MTARC2: variants seen among roughly 807,000 people sequenced by gnomAD.
MTARC2 encodes the protein MOCO sulphurase C-terminal domain containing 2.
In MTARC2, 27 loss-of-function variants were observed where a neutral mutation model predicts 35.6. The observed-to-expected ratio is 0.76, with a 90% CI of 0.56 to 1.04. The LOEUF is 1.04. MTARC2 is among the 50% of genes least tolerant of loss of function. The probability of loss-of-function intolerance (pLI) is 0.00; values close to 1 mark genes in which losing one functional copy is unlikely to be tolerated. For synonymous variants in MTARC2, 158 were observed against 167.1 expected (o/e 0.95, Z 0.42); for missense variants, 412 against 432.5 (o/e 0.95, Z 0.42).
intron 1 of MTARC2, among the ~76,000 whole-genome samples, chr1:220,749,646 G>A (rs1456356405): frequency 6.6e-6 from 1 of 152,022 alleles, no homozygotes; most frequent in Non-Finnish European, 1.5e-5. Flanking sequence ...GACCAGGCTG[G>A]TCTCAAACTC....
intron 4 of MTARC2, among the ~76,000 whole-genome samples, chr1:220,770,054 C>G (rs1238046210): frequency 2.0e-5 from 3 of 151,844 alleles, no homozygotes; most frequent in Admixed American, 2.0e-4. Context: ...TTGCAGTGAG[C>G]CGAGATCGCG....
At position 220,781,869 on chromosome 1, in the gene MTARC2, A is replaced by G. The variant is rs1287853600; in HGVS notation, c.976A>G (p.Arg326Gly). 6.2e-7 allele frequency: 1 copy of G among 1,614,194 alleles called. No individual in the cohort carries two copies. The highest frequency in any genetic ancestry group is 8.5e-7 in the Non-Finnish European group (1 of 1,180,030). The change falls in exon 7 of 8, where the codon AGA (arginine) becomes GGA (glycine). Residue 326 changes from arginine (R) to glycine (G), a missense_variant. Physicochemically the swap from Arg to Gly is moderately radical, Grantham distance 125. Coordinates refer to ENST00000366913, the MANE Select transcript of MTARC2 (RefSeq NM_017898.5). ...TTCAGTGGAAAAAATTGGAAGCCTG[A>G]GAGTTGGTGACCCTGTGTATCGGAT... ...YYSVEKIGSL[R>G]VGDPVYRMV
intron 4 of MTARC2, among the ~76,000 whole-genome samples, chr1:220,766,860 CA>C (rs59711900): frequency 0.3 from 27,689 of 91,826 alleles, 3,144 homozygotes; most frequent in East Asian, 0.5. Context: ...AATAAAAGTA[CA>C]AAAAAAAAAA....
rs761683898 is a variant in MTARC2 at position 220,761,753 on chromosome 1, A to C, written c.542A>C (p.Gln181Pro). 4 of 1,613,962 alleles carry C rather than the reference A, an allele frequency of 2.5e-6. No homozygotes were observed. The highest frequency in any genetic ancestry group is 3.4e-6 in the Non-Finnish European group (4 of 1,180,002). The change falls in exon 3 of 8, where the codon CAA becomes CCA. Residue 181 changes from glutamine to proline, a missense_variant. Coordinates refer to ENST00000366913, the MANE Select transcript of MTARC2 (RefSeq NM_017898.5). ...AAAACTGAAGCGTATAGATTGGTTC[A>C]ATTTGAGACAAACATGAAGGGAAGA... ...FLKTEAYRLV[Q>P]FETNMKGRTS...
intron 4 of MTARC2, among the ~76,000 whole-genome samples, chr1:220,766,670 C>G (rs1671586427): frequency 6.6e-6 from 1 of 152,102 alleles, no homozygotes; most frequent in South Asian, 2.1e-4. Context: ...AAAAAAGACA[C>G]TCTTGTCCCT....
intron 4 of MTARC2, among the ~76,000 whole-genome samples, chr1:220,776,664 C>T (rs112782455): frequency 1.6e-3 from 242 of 152,210 alleles, no homozygotes; most frequent in African/African-American, 5.2e-3. Context: ...CTCTTTTAAA[C>T]GCGGCCTTGC....
At chr1:220,782,211 A>T (rs1672092799) in intron 7 of MTARC2, among the ~76,000 whole-genome samples, 1 of 152,218 alleles carries the variant, frequency 6.6e-6, no homozygotes, top group African/African-American at 2.4e-5. Context: ...TCATTACAGA[A>T]TATCATTAAG....
chr1:220,749,486 A>AGTG (rs1246850738), intron 1 of MTARC2, among the ~76,000 whole-genome samples: 2 of 144,956 alleles, frequency 1.4e-5, no homozygotes, highest in Non-Finnish European at 3.0e-5. Flanking sequence ...GCTGGAGTGC[A>AGTG]GTGGCACTAT....
rs780166713 is a variant in MTARC2, at chr1:220,748,742, G to T, written c.211G>T (p.Val71Leu). The T allele has an allele frequency of 6.2e-7, 1 of 1,600,568 alleles. No individual in the cohort carries two copies. The highest frequency in any genetic ancestry group is 1.1e-5 in the South Asian group (1 of 88,984). ...WIYPVKSCKG[V>L]PVSEAECTAM... is the part of the protein sequence containing the mutation. ...CTACCCGGTGAAATCCTGCAAAGGGGTGCCGGTGAGCGAGGCTGAGTGCAC... is the reference window on the plus strand; with the variant it reads ...CTACCCGGTGAAATCCTGCAAAGGGTTGCCGGTGAGCGAGGCTGAGTGCAC... Residue 71 changes from valine to leucine, a missense_variant, in exon 1 of 8, where the codon GTG becomes TTG. Val to Leu is a conservative substitution (Grantham distance 32). Coordinates refer to ENST00000366913, the MANE Select transcript of MTARC2 (RefSeq NM_017898.5).
chr1:220,748,364 T>C lies in MTARC2; in HGVS notation c.-168T>C. 1.5e-6 allele frequency: 1 copy of C among 649,282 alleles called. No homozygotes were observed. The highest frequency in any genetic ancestry group is 2.2e-6 in the Non-Finnish European group (1 of 449,818). The allele number at this position is 649,282 out of a possible 1,614,324, so 40.2% of individuals were successfully genotyped here. ...GGTCACCGCATTAAGGCATTCCCGC[T>C]CTCCGCGGAACTGCTCTGCCGTCTC... On this transcript the variant is annotated 5_prime_UTR_variant, in exon 1 of 8. Transcript: ENST00000366913.
At position 220,761,777 on chromosome 1, in the gene MTARC2, G is replaced by A; in HGVS notation, c.566G>A (p.Arg189Lys). Residue 189 changes from arginine to lysine, a missense_variant, in exon 3 of 8, where the codon AGA becomes AAA. Physicochemically the swap from Arg to Lys is conservative, Grantham distance 26. Transcript: ENST00000366913. ...CAATTTGAGACAAACATGAAGGGAA[G>A]AACATCAAGAAAACTTCTCCCCACT... The part of the protein sequence containing the change: ...LVQFETNMKG[R>K]TSRKLLPTLD... 2 of 1,613,024 alleles carry A rather than the reference G, an allele frequency of 1.2e-6. No homozygotes were observed. Among genetic ancestry groups the A allele is most frequent in the Non-Finnish European group, 1.7e-6 (2 of 1,179,746 alleles).
At chr1:220,779,329 A>G (rs1385896600) in intron 4 of MTARC2, among the ~76,000 whole-genome samples, 1 of 152,224 alleles carries the variant, frequency 6.6e-6, no homozygotes, top group Non-Finnish European at 1.5e-5. Flanking sequence ...CAGAATCAGT[A>G]AGATTTCAAA....
chr1:220,780,221 C>A lies in MTARC2; in HGVS notation c.866C>A (p.Pro289Gln). 1 of 1,612,556 alleles carries A rather than the reference C, an allele frequency of 6.2e-7. No homozygotes were observed. Among genetic ancestry groups the A allele is most frequent in the South Asian group, 1.1e-5 (1 of 90,916 alleles). Residue 289 changes from proline to glutamine, a missense_variant, in exon 6 of 8, where the codon CCA becomes CAA. Transcript: ENST00000366913. The part of the protein sequence containing the change: ...PDTGVIDRKQ[P>Q]LDTLKSYRLC... ...ACTGGAGTCATAGACAGGAAACAGC[C>A]ACTGGACACCCTGAAGAGGTAGAAT...
chr1:220,752,678 C>G (rs373894695), intron 1 of MTARC2, among the ~76,000 whole-genome samples: 1 of 151,882 alleles, frequency 6.6e-6, no homozygotes, highest in Non-Finnish European at 1.5e-5. Flanking sequence ...GGGACCCCAT[C>G]TCTACAAAAA....
intron 4 of MTARC2, among the ~76,000 whole-genome samples, chr1:220,774,054 TATA>T (rs1234097081): frequency 6.6e-6 from 1 of 151,008 alleles, no homozygotes; most frequent in South Asian, 2.1e-4. Context: ...TGTTAATAGA[TATA>T]GACTCACATC....
intron 4 of MTARC2, 129 bp downstream of exon 4, chr1:220,763,179 A>G (rs1671487185): frequency 7.6e-7 from 1 of 1,308,618 alleles, no homozygotes; most frequent in African/African-American, 1.5e-5. Context: ...TGCTGCCATC[A>G]CTCATTGCTT....
At chr1:220,780,410 T>C (rs1672039012) in intron 6 of MTARC2, among the ~76,000 whole-genome samples, 171 bp downstream of exon 6, 1 of 152,098 alleles carries the variant, frequency 6.6e-6, no homozygotes, top group Non-Finnish European at 1.5e-5. Context: ...GCACTGTTGC[T>C]TCCTCTCTTT....
intron 4 of MTARC2, among the ~76,000 whole-genome samples, chr1:220,775,656 G>A (rs1299048544): frequency 6.6e-6 from 1 of 151,822 alleles, no homozygotes; most frequent in Non-Finnish European, 1.5e-5. Flanking sequence ...ACCCTATAGT[G>A]TTTCAATTCT....
chr1:220,783,697 A>C (rs1328945569), intron 7 of MTARC2, among the ~76,000 whole-genome samples: 2 of 152,218 alleles, frequency 1.3e-5, no homozygotes, highest in Admixed American at 1.3e-4. Context: ...AGATATGATA[A>C]CAGGCACTTT....
Sources: allele counts gnomAD v4.1 joint callset (sites outside exome capture counted in the v4.1 genomes callset), GRCh38; gene constraint gnomAD v4.1.1; transcripts MANE v1.5; gene names NCBI Gene and HGNC (gene_info 2026-07-23, HGNC 2026-07-21).